Variants in SPMIP8 observed in about 807,000 individuals in gnomAD.
SPMIP8 encodes the protein testicular tissue protein Li 196.
chr16:57,982,992 T>C, the SPMIP8 span, among the ~76,000 whole-genome samples: 4 of 152,178 alleles, frequency 2.6e-5, no homozygotes, highest in Admixed American at 2.0e-4. Context: ...ACCGCGCCAC[T>C]GTACTCCAGC....
chr16:57,977,102 T>C, the SPMIP8 span, among the ~76,000 whole-genome samples: 1 of 152,088 alleles, frequency 6.6e-6, no homozygotes, highest in Non-Finnish European at 1.5e-5. Flanking sequence ...TGCTGCACTT[T>C]CCTGCTTATT....
chr16:57,984,510 T>A, the SPMIP8 span: 1 of 1,512,584 alleles, frequency 6.6e-7, no homozygotes, highest in Non-Finnish European at 9.0e-7. Context: ...GTTCACGACT[T>A]CGGGCGCCCC....
chr16:57,985,126 TGG>T, the SPMIP8 span: 1 of 1,267,228 alleles, frequency 7.9e-7, no homozygotes, highest in Non-Finnish European at 1.0e-6. Flanking sequence ...GGCTGGATTG[TGG>T]GCGGGGCTTA....
chr16:57,978,240 G>GT, the SPMIP8 span, among the ~76,000 whole-genome samples: 1 of 152,146 alleles, frequency 6.6e-6, no homozygotes, highest in Non-Finnish European at 1.5e-5. Context: ...TTGTTGTGGG[G>GT]TTAGAAGGAG....
chr16:57,985,256 C>A, the SPMIP8 span: 1 of 1,560,156 alleles, frequency 6.4e-7, no homozygotes, highest in Non-Finnish European at 8.7e-7. Context: ...CGACGTGACC[C>A]AGACCTGGCG....
At chr16:57,985,985 C>T in the SPMIP8 span, 5 of 1,573,316 alleles carry the variant, frequency 3.2e-6, no homozygotes, top group South Asian at 3.5e-5. Context: ...ACCACGTTCT[C>T]ATCCGACTGC....
the SPMIP8 span, chr16:57,984,712 A>T: frequency 6.2e-7 from 1 of 1,600,428 alleles, no homozygotes; most frequent in Non-Finnish European, 8.5e-7. Flanking sequence ...CCAGGCATCA[A>T]CCGAGTGGAC....
the SPMIP8 span, chr16:57,985,198 G>T: frequency 7.2e-6 from 11 of 1,521,630 alleles, no homozygotes. Flanking sequence ...GGGGCTTTCT[G>T]TTCGCAGCGG....
chr16:57,985,684 A>G, the SPMIP8 span: 2 of 1,282,364 alleles, frequency 1.6e-6, no homozygotes, highest in Admixed American at 2.9e-5. Flanking sequence ...CCAGAAACAA[A>G]TTGCAATTTC....
At chr16:57,980,625 C>T in the SPMIP8 span, among the ~76,000 whole-genome samples, 1 of 152,140 alleles carries the variant, frequency 6.6e-6, no homozygotes, top group African/African-American at 2.4e-5. Flanking sequence ...AAGTCCAGGG[C>T]TAGAGAAAAA....
At chr16:57,986,081 G>C in the SPMIP8 span, 3 of 1,080,850 alleles carry the variant, frequency 2.8e-6, no homozygotes, top group Non-Finnish European at 3.8e-6. Flanking sequence ...CTGGGAGGGC[G>C]CGAGCTGCTT....
the SPMIP8 span, chr16:57,978,142 C>A: frequency 1.5e-6 from 2 of 1,348,774 alleles, no homozygotes; most frequent in Non-Finnish European, 2.0e-6. Flanking sequence ...AGCTCTGCTG[C>A]TCCCTGCCCA....
chr16:57,980,420 G>A, the SPMIP8 span, among the ~76,000 whole-genome samples: 7 of 152,224 alleles, frequency 4.6e-5, no homozygotes, highest in East Asian at 3.9e-4. Flanking sequence ...TTCAGGACGC[G>A]AAGCCCAGCA....
the SPMIP8 span, chr16:57,987,507 C>G: frequency 6.8e-7 from 1 of 1,468,526 alleles, no homozygotes; most frequent in Non-Finnish European, 9.2e-7. Flanking sequence ...CTTATGGTGG[C>G]ACCAGCCATC....
At chr16:57,981,993 ATTTTATT>A in the SPMIP8 span, among the ~76,000 whole-genome samples, 1 of 152,100 alleles carries the variant, frequency 6.6e-6, no homozygotes, top group Non-Finnish European at 1.5e-5. Context: ...AGACCTCAGG[ATTTTATT>A]TTTAGTTTAC....
At chr16:57,985,121 G>A in the SPMIP8 span, 7 of 1,353,816 alleles carry the variant, frequency 5.2e-6, no homozygotes, top group East Asian at 2.7e-5. Context: ...GGCGGGGCTG[G>A]ATTGTGGGCG....
chr16:57,985,355 G>T, the SPMIP8 span: 11 of 1,576,640 alleles, frequency 7.0e-6, no homozygotes, highest in Non-Finnish European at 8.6e-6. Context: ...GAGGGGGGAG[G>T]AGACCCAGAG....
the SPMIP8 span, chr16:57,987,396 T>A: frequency 5.0e-6 from 8 of 1,596,782 alleles, no homozygotes; most frequent in African/African-American, 1.4e-5. Flanking sequence ...CTCTCCACAG[T>A]CGTGTCAACT....
chr16:57,976,684 C>T, the SPMIP8 span: 2 of 1,598,778 alleles, frequency 1.3e-6, no homozygotes, highest in South Asian at 1.1e-5. Flanking sequence ...TCCGTGATCC[C>T]CCTCCCTGTC....
Sources: allele counts gnomAD v4.1 joint callset (sites outside exome capture counted in the v4.1 genomes callset), GRCh38; gene constraint gnomAD v4.1.1; transcripts MANE v1.5; gene names NCBI Gene and HGNC (gene_info 2026-07-23, HGNC 2026-07-21).